The following PLEKHH1 variants were observed in gnomAD, a reference collection of about 807,000 sequenced individuals.
PLEKHH1 encodes pleckstrin homology, MyTH4 and FERM domain containing H1, also known as pleckstrin homology domain-containing family H member 1.
In PLEKHH1, 104 loss-of-function variants were observed where a neutral mutation model predicts 160.0. The ratio of observed to expected loss-of-function variants is 0.65; its 90% CI spans 0.55 to 0.76. PLEKHH1 has a LOEUF of 0.76. Among genes scored for constraint, PLEKHH1 ranks in the 30% least tolerant of loss-of-function variants. PLEKHH1 has a pLI of 0.00. For synonymous variants in PLEKHH1, 619 were observed against 678.4 expected, an observed-to-expected ratio of 0.91 and a Z score of 1.36; for missense variants, 1,427 against 1,724.1, an observed-to-expected ratio of 0.83 and a Z score of 3.05.
At chr14:67,540,377 G>A (rs2033915617) in intron 1 of PLEKHH1, among the ~76,000 whole-genome samples, 1 of 152,080 alleles carries the variant, frequency 6.6e-6, no homozygotes, top group South Asian at 2.1e-4. Flanking sequence ...TGTAATCCCA[G>A]CACTTTAAGA....
Position 67,559,644 on chromosome 14 carries a change from GA to G in PLEKHH1, c.381del (p.Ala128LeufsTer8). 1 of 1,606,260 alleles carries G rather than the reference GA, an allele frequency of 6.2e-7. No homozygotes were observed. Among genetic ancestry groups the G allele is most frequent in the Non-Finnish European group, 8.5e-7 (1 of 1,176,556 alleles). ...MRAEEAKTVQ[E>X]KAAKIKEWVT... ...GGCAGAGGAAGCAAAAACTGTTCAA[GA>G]AAAAGCTGCAAAGATCAAGGAATGG... On this transcript the variant is annotated frameshift_variant, in exon 5 of 29. Transcript: ENST00000329153. LOFTEE classifies it high-confidence loss of function.
intron 26 of PLEKHH1, chr14:67,585,335 C>T: frequency 2.0e-6 from 1 of 511,332 alleles, no homozygotes; most frequent in Non-Finnish European, 3.5e-6. Context: ...ATCGCCTCTG[C>T]CTTTGAGATG....
At position 67,578,563 on chromosome 14, in the gene PLEKHH1, A is replaced by G. The variant is rs2035738907; in HGVS notation, c.2781A>G (p.Pro927=). The G allele has an allele frequency of 6.2e-7, 1 of 1,611,588 alleles. No individual in the cohort carries two copies. Among genetic ancestry groups the G allele is most frequent in the Non-Finnish European group, 8.5e-7 (1 of 1,179,062 alleles). Residue 927 remains proline, a synonymous_variant, in exon 20 of 29, where the codon CCA becomes CCG. Transcript: ENST00000329153. The surrounding 1 kb of genome is among the most constrained non-coding windows in gnomAD (Gnocchi z 5.0). The part of the protein sequence containing the change: ...QCWQLLALCA[P]LFLPQHHFLW... ...GGCAGCTCCTCGCTCTGTGTGCTCC[A>G]CTTTTCCTGCCTCAGCATCACTTCC...
intron 8 of PLEKHH1, 137 bp from the exon 9 acceptor site, chr14:67,569,784 A>C (rs958147645): frequency 3.0e-6 from 2 of 658,850 alleles, no homozygotes; most frequent in Non-Finnish European, 5.6e-6. Flanking sequence ...GAAGATGAAC[A>C]GGGCCCTGGC....
At chr14:67,568,939 A>G in intron 7 of PLEKHH1, 199 bp from the exon 8 acceptor site, 1 of 551,858 alleles carries the variant, frequency 1.8e-6, no homozygotes, top group Admixed American at 3.5e-5. Flanking sequence ...GCAGCCTGAA[A>G]GGTAAGTATT....
rs1038947498 is a variant in PLEKHH1, at chr14:67,582,262, T to C, written c.3426+52T>C. The C allele has an allele frequency of 1.9e-6, 3 of 1,611,724 alleles. No individual in the cohort carries two copies. The African/African-American group carries it at 4.0e-5, about 22-fold the overall frequency. On this transcript the variant is annotated intron_variant, in intron 24 of 28. Coordinates refer to ENST00000329153, the MANE Select transcript of PLEKHH1 (RefSeq NM_020715.3). The surrounding 1 kb of genome is among the most constrained non-coding windows in gnomAD (Gnocchi z 5.0). ...GGTCGGGTTGCCAGCTTAGAATGAA[T>C]GCACCATGCAGCCTGAAACACAGGA... is the stretch of plus-strand genomic sequence containing the variant.
Position 67,576,779 on chromosome 14 carries a change from G to C in PLEKHH1, c.2461+276G>C, listed in dbSNP as rs750486322. On this transcript the variant is annotated intron_variant, in intron 17 of 28. Transcript: ENST00000329153. This position sits in a 1 kb window ranked among gnomAD's most constrained non-coding sequence, Gnocchi z 4.0. ...GATCAAGCTGCCCCGTTGCTGGCTG[G>C]GCAGAGGGCTGAGGAAAGAAGGTAG... Among the ~76,000 whole-genome samples, 1 of 152,146 alleles carries C rather than the reference G, an allele frequency of 6.6e-6. No homozygotes were observed. The highest frequency in any genetic ancestry group is 1.5e-5 in the Non-Finnish European group (1 of 68,036).
intron 5 of PLEKHH1, among the ~76,000 whole-genome samples, chr14:67,561,505 A>C (rs1193709850): frequency 6.6e-6 from 1 of 151,962 alleles, no homozygotes; most frequent in Non-Finnish European, 1.5e-5. Flanking sequence ...CAGAGGTTGC[A>C]GTGAGCCAAG....
rs111429286 is a variant in PLEKHH1, at chr14:67,537,346, AAATAAT to A, written c.-35+3978_-35+3983del. 8.8e-4 allele frequency among the ~76,000 whole-genome samples: 112 copies of A among 126,602 alleles called. 2 individuals carry two copies. Among genetic ancestry groups the A allele is most frequent in the African/African-American group, 2.7e-3 (86 of 32,140 alleles). 83.1% of individuals were successfully genotyped at this position (126,602 alleles called of 152,430 possible). ...GTGACAGAGCGAGACTCCATCTCAA[AAATAAT>A]AATAATAATAATAATAATAATAATA... On this transcript the variant is annotated intron_variant, in intron 1 of 28. Transcript: ENST00000329153.
intron 28 of PLEKHH1, 131 bp from the exon 29 acceptor site, chr14:67,586,943 C>T: frequency 6.5e-7 from 1 of 1,544,180 alleles, no homozygotes. Flanking sequence ...TGGATATTTT[C>T]TCCCAGGTGG....
At position 67,587,606 on chromosome 14, in the gene PLEKHH1, G is replaced by A. The variant is rs572043367; in HGVS notation, c.*371G>A. ...AGCTAATTTTCTTTCTGGGGGGGGC[G>A]GGGGACACAGTGTCACTATGTCACC... On this transcript the variant is annotated 3_prime_UTR_variant, in exon 29 of 29. Transcript: ENST00000329153. 6.6e-5 allele frequency: 19 copies of A among 288,342 alleles called. No individual in the cohort carries two copies. Among genetic ancestry groups the A allele is most frequent in the East Asian group, 1.0e-4 (1 of 9,808 alleles). 17.9% of individuals were successfully genotyped at this position (288,342 alleles called of 1,614,324 possible).
chr14:67,557,925 A>G (rs1312517326), intron 4 of PLEKHH1, among the ~76,000 whole-genome samples: 1 of 152,190 alleles, frequency 6.6e-6, no homozygotes, highest in African/African-American at 2.4e-5. Flanking sequence ...ACAGAGCTGG[A>G]TGGTCAGTCG....
chr14:67,557,142 C>T (rs2034626645), intron 3 of PLEKHH1, 127 bp from the exon 4 acceptor site: 3 of 678,200 alleles, frequency 4.4e-6, no homozygotes, highest in African/African-American at 1.8e-5. Flanking sequence ...CTCAGACTGC[C>T]CTGGGTAAGG....
At chr14:67,537,664 CAAAAG>C (rs2033793669) in intron 1 of PLEKHH1, among the ~76,000 whole-genome samples, 1 of 151,992 alleles carries the variant, frequency 6.6e-6, no homozygotes, top group Admixed American at 6.6e-5. Flanking sequence ...GACCCTGTCT[CAAAAG>C]AAAAAGAAAA....
At chr14:67,559,571 T>G in intron 4 of PLEKHH1, 37 bp from the exon 5 acceptor site, 1 of 1,408,230 alleles carries the variant, frequency 7.1e-7, no homozygotes, top group Non-Finnish European at 9.9e-7. Context: ...CTCCTGGTGA[T>G]TGTTGGGATT....
At chr14:67,542,448 T>A (rs1026653144) in intron 2 of PLEKHH1, among the ~76,000 whole-genome samples, 1 of 152,244 alleles carries the variant, frequency 6.6e-6, no homozygotes, top group Non-Finnish European at 1.5e-5. Context: ...AACTTGGCTC[T>A]GCCACTTACT....
intron 1 of PLEKHH1, among the ~76,000 whole-genome samples, chr14:67,537,515 A>G (rs1261197603): frequency 6.7e-6 from 1 of 148,620 alleles, no homozygotes; most frequent in Non-Finnish European, 1.5e-5. Flanking sequence ...AAATACAAAA[A>G]TTAGCCAAGC....
intron 23 of PLEKHH1, chr14:67,581,837 T>C (rs2035916084): frequency 4.0e-6 from 2 of 497,920 alleles, no homozygotes; most frequent in African/African-American, 1.9e-5. Context: ...GTAAGCTTAA[T>C]GGTATCTTCA....
At position 67,577,363 on chromosome 14, in the gene PLEKHH1, C is replaced by T. The variant is rs939746029; in HGVS notation, c.2523C>T (p.Leu841=). 3.1e-6 allele frequency: 5 copies of T among 1,591,424 alleles called. No homozygotes were observed. The highest frequency in any genetic ancestry group is 2.7e-5 in the African/African-American group (2 of 74,296). The stretch of plus-strand genomic sequence containing the variant: ...GCAAAGACGGCCTATACGCCTCCCT[C>T]ACCACCCTGCCCTCTGAGGCCTTGC... ...CYSKDGLYAS[L]TTLPSEALQT... The change falls in exon 18 of 29, where the codon CTC becomes CTT. Residue 841 remains leucine, a synonymous_variant. Coordinates refer to ENST00000329153, the MANE Select transcript of PLEKHH1 (RefSeq NM_020715.3).
Sources: allele counts gnomAD v4.1 joint callset (sites outside exome capture counted in the v4.1 genomes callset), GRCh38; gene constraint gnomAD v4.1.1; non-coding constraint Gnocchi (gnomAD v3.1); transcripts MANE v1.5; gene names NCBI Gene and HGNC (gene_info 2026-07-23, HGNC 2026-07-21).